The following BCKDHB variants were observed in gnomAD, a reference collection of about 807,000 sequenced individuals.
The protein encoded by BCKDHB is 2-oxoisovalerate dehydrogenase subunit beta, mitochondrial.
Under a neutral mutation model 48.5 loss-of-function variants are expected in BCKDHB, and 41 were observed. That is an observed-to-expected ratio of 0.85 (90% CI 0.66 to 1.10). The LOEUF is 1.10. Ranked by LOEUF, BCKDHB falls within the 50% of genes least tolerant of loss-of-function variation. The pLI is 0.00. For missense variants in BCKDHB, 496 were observed against 494.2 expected (o/e 1.00, Z -0.03); for synonymous variants, 201 against 174.8 (o/e 1.15, Z -1.18).
intron 9 of BCKDHB, among the ~76,000 whole-genome samples, chr6:80,313,899 G>A (rs1382453486): frequency 6.6e-6 from 1 of 151,988 alleles, no homozygotes; most frequent in Non-Finnish European, 1.5e-5. Context: ...TTTTTACGTG[G>A]GCATTTAGTG....
the BCKDHB span, among the ~76,000 whole-genome samples, chr6:80,361,785 G>T: frequency 6.6e-6 from 1 of 152,194 alleles, no homozygotes; most frequent in African/African-American, 2.4e-5. Context: ...AAGAGGGATT[G>T]TCACGTTTCC....
At chr6:80,108,239 A>C (rs914540906) in intron 1 of BCKDHB, among the ~76,000 whole-genome samples, 2 of 151,852 alleles carry the variant, frequency 1.3e-5, no homozygotes, top group African/African-American at 4.8e-5. Flanking sequence ...AGATGCGTGT[A>C]GATATAATTT....
the BCKDHB span, among the ~76,000 whole-genome samples, chr6:80,382,395 G>T: frequency 5.9e-5 from 9 of 152,036 alleles, no homozygotes; most frequent in African/African-American, 1.9e-4. Flanking sequence ...GGAGCCAAAG[G>T]TTATCTTCAC....
At chr6:80,109,938 C>G (rs1251334448) in intron 1 of BCKDHB, among the ~76,000 whole-genome samples, 1 of 152,136 alleles carries the variant, frequency 6.6e-6, no homozygotes, top group Non-Finnish European at 1.5e-5. Context: ...GTGTCTTACT[C>G]CAAAGCCTCC....
the BCKDHB span, among the ~76,000 whole-genome samples, chr6:80,364,867 C>T: frequency 6.6e-6 from 1 of 152,132 alleles, no homozygotes; most frequent in African/African-American, 2.4e-5. Flanking sequence ...TTTATATTTT[C>T]CGTAAGTGTT....
At chr6:80,447,145 G>T in the BCKDHB span, among the ~76,000 whole-genome samples, 2 of 152,102 alleles carry the variant, frequency 1.3e-5, no homozygotes, top group African/African-American at 2.4e-5. Context: ...GATGAACTGT[G>T]TAGTACAGTT....
At position 80,343,948 on chromosome 6, in the gene BCKDHB, A is replaced by T; in HGVS notation, c.*144A>T. On this transcript the variant is annotated 3_prime_UTR_variant, in exon 10 of 10. Transcript: ENST00000320393. ...TGGTAAAAGGCAACTTTCAGAAGAA[A>T]ATAATGTGCTTTAGAAAAAAAATTC... 9.6e-7 allele frequency: 1 copy of T among 1,037,142 alleles called. No homozygotes were observed. The highest frequency in any genetic ancestry group is 1.9e-5 in the Admixed American group (1 of 52,602). The allele number at this position is 1,037,142 out of a possible 1,614,324, so 64.2% of individuals were successfully genotyped here.
chr6:80,384,676 C>G, the BCKDHB span, among the ~76,000 whole-genome samples: 1 of 152,098 alleles, frequency 6.6e-6, no homozygotes, highest in Admixed American at 6.6e-5. Flanking sequence ...AGTTTTGAGA[C>G]TTGGACTGGC....
chr6:80,434,581 G>A, the BCKDHB span, among the ~76,000 whole-genome samples: 14 of 151,864 alleles, frequency 9.2e-5, no homozygotes, highest in Non-Finnish European at 1.6e-4. Context: ...TTTCATTAAA[G>A]GTTGTTAAAT....
chr6:80,393,473 C>T, the BCKDHB span, among the ~76,000 whole-genome samples: 1 of 152,108 alleles, frequency 6.6e-6, no homozygotes, highest in Non-Finnish European at 1.5e-5. Flanking sequence ...TGTGAGCATA[C>T]AGCAAGAAGA....
intron 6 of BCKDHB, among the ~76,000 whole-genome samples, chr6:80,187,579 A>G (rs1773702203): frequency 6.6e-6 from 1 of 152,180 alleles, no homozygotes; most frequent in Admixed American, 6.5e-5. Context: ...CAAACTATGC[A>G]TCTAACAAAG....
At chr6:80,358,534 T>C in the BCKDHB span, among the ~76,000 whole-genome samples, 5 of 152,360 alleles carry the variant, frequency 3.3e-5, no homozygotes, top group East Asian at 5.8e-4. Context: ...TGGAATATTA[T>C]TCTATCATAA....
At chr6:80,242,630 A>G (rs1776435917) in intron 8 of BCKDHB, among the ~76,000 whole-genome samples, 1 of 152,152 alleles carries the variant, frequency 6.6e-6, no homozygotes, top group South Asian at 2.1e-4. Flanking sequence ...AGATAATTTG[A>G]GGAATGTGAC....
intron 8 of BCKDHB, among the ~76,000 whole-genome samples, chr6:80,225,049 A>T: frequency 6.6e-6 from 1 of 152,162 alleles, no homozygotes; most frequent in Non-Finnish European, 1.5e-5. Flanking sequence ...TCTTGTATGT[A>T]ACTTGCCTTT....
the BCKDHB span, among the ~76,000 whole-genome samples, chr6:80,440,413 T>G: frequency 6.6e-6 from 1 of 152,158 alleles, no homozygotes; most frequent in Non-Finnish European, 1.5e-5. Flanking sequence ...AGGAAGAGAA[T>G]GGATGGACAG....
In BCKDHB at chr6:80,189,487, AC is replaced by A. The variant is rs1217728121; in HGVS notation, c.743-11446del. Among the ~76,000 whole-genome samples the A allele has an allele frequency of 2.6e-5, 4 of 152,346 alleles. No individual in the cohort carries two copies. The East Asian group carries it at 7.7e-4, about 29-fold the overall frequency. On this transcript the variant is annotated intron_variant, in intron 6 of 9. Transcript: ENST00000320393. ...GTGACATTAACAATGCCCAAACTGA[AC>A]ACTTGACTAGCAGAAAGGGTGTTGA... is the stretch of plus-strand genomic sequence containing the variant.
chr6:80,139,864 GA>G (rs1280158354), intron 3 of BCKDHB, among the ~76,000 whole-genome samples: 12 of 152,244 alleles, frequency 7.9e-5, no homozygotes, highest in Admixed American at 7.2e-4. Context: ...GCTTGATGGG[GA>G]TGGCATTGAA....
the BCKDHB span, among the ~76,000 whole-genome samples, chr6:80,397,746 G>A: frequency 6.6e-6 from 1 of 152,120 alleles, no homozygotes; most frequent in South Asian, 2.1e-4. Context: ...GCCAGGCATG[G>A]TGGCGTGTGC....
chr6:80,107,784 A>G (rs2997392), intron 1 of BCKDHB, among the ~76,000 whole-genome samples: 6,959 of 152,030 alleles, frequency 0.046, 518 homozygotes, highest in African/African-American at 0.16. Flanking sequence ...AAGGGCATGT[A>G]GCAAACTCCT....
Sources: gnomAD v4.1 joint callset for allele counts (sites outside exome capture counted in the v4.1 genomes callset) on GRCh38, gnomAD v4.1.1 for gene constraint, MANE v1.5 for transcripts, NCBI Gene and HGNC (gene_info 2026-07-23, HGNC 2026-07-21) for gene names.